The following NBPF10 variants were observed in gnomAD, a reference collection of about 807,000 sequenced individuals.
NBPF10 encodes the protein NBPF family member NBPF10.
A neutral mutation model predicts 77.9 loss-of-function variants in NBPF10; 63 were observed. That is an observed-to-expected ratio of 0.81 (90% CI 0.66 to 1.00). The LOEUF (loss-of-function observed/expected upper bound fraction) is 1.00, where lower values mean the gene tolerates loss of function less well. Among genes scored for constraint, NBPF10 ranks in the 50% least tolerant of loss-of-function variants. The pLI, the probability that NBPF10 is intolerant of heterozygous loss-of-function variation, is 0.00. For synonymous variants in NBPF10, 146 were observed against 264.5 expected (o/e 0.55, Z 4.35); for missense variants, 522 against 679.8 (o/e 0.77, Z 2.58).
chr1:146,081,007 A>ACACG (rs1656256285), intron 71 of NBPF10, among the ~76,000 whole-genome samples: 1 of 80,478 alleles, frequency 1.2e-5, no homozygotes, highest in Non-Finnish European at 3.4e-5. Context: ...ACACACACAC[A>ACACG]CACACACACA....
In NBPF10 at chr1:146,069,184, A is replaced by C. The variant is rs1350372787; in HGVS notation, c.10810+359T>G. Among the ~76,000 whole-genome samples, 2 of 82,152 alleles carry C rather than the reference A, an allele frequency of 2.4e-5. 1 individual carries two copies. Among genetic ancestry groups the C allele is most frequent in the Non-Finnish European group, 4.9e-5 (2 of 40,560 alleles). The allele number at this position is 82,152 out of a possible 152,430, so 53.9% of individuals were successfully genotyped here. Reference sequence around the variant, plus strand: ...GTCTCATCAAATACTCAGATTGTTCATGGTAGCGAGGATTGTAGACGCTGA... The same window carrying C: ...GTCTCATCAAATACTCAGATTGTTCCTGGTAGCGAGGATTGTAGACGCTGA... On this transcript the variant is annotated intron_variant, in intron 86 of 89. Transcript: ENST00000583866.
chr1:146,140,783 C>A (rs1236101730), intron 3 of NBPF10, among the ~76,000 whole-genome samples: 1 of 120,396 alleles, frequency 8.3e-6, no homozygotes. Flanking sequence ...ACCGAAAAGA[C>A]CTTTTGCTTC....
At position 146,127,036 on chromosome 1, in the gene NBPF10, T is replaced by TGG; in HGVS notation, c.1844_1845insCC (p.Gly616GlnfsTer35). 2.0e-6 allele frequency: 1 copy of TGG among 506,712 alleles called. No homozygotes were observed. The highest frequency in any genetic ancestry group is 3.4e-6 in the Non-Finnish European group (1 of 290,570). 31.4% of individuals were successfully genotyped at this position (506,712 alleles called of 1,614,324 possible). A position where few individuals can be genotyped will look rare whatever the true frequency, so the allele number is the denominator to read the frequency against. On this transcript the variant is annotated frameshift_variant, in exon 13 of 90. Coordinates refer to ENST00000583866, the Ensembl canonical transcript of NBPF10. LOFTEE classifies it high-confidence loss of function. ...CAATTTCTCAGACTCACCTGGGACCTGTTGCCTCTTGGTCCTCCTTTTTCA... is the reference window on the plus strand; with the variant it reads ...CAATTTCTCAGACTCACCTGGGACCTGGGTTGCCTCTTGGTCCTCCTTTTTCA...
intron 13 of NBPF10, 124 bp from the exon 14 acceptor site, chr1:146,126,532 G>A (rs1210490864): frequency 2.8e-6 from 2 of 706,404 alleles, no homozygotes; most frequent in Non-Finnish European, 5.3e-6. Context: ...CATTAATGAG[G>A]TAACAAATTA....
At chr1:146,067,931 C>T (rs1226517999) in intron 88 of NBPF10, 72 bp downstream of exon 88, 16 of 686,678 alleles carry the variant, frequency 2.3e-5, no homozygotes, top group African/African-American at 1.8e-4. Context: ...GCAAGGGCCA[C>T]TTGGAATAGG....
intron 71 of NBPF10, among the ~76,000 whole-genome samples, 191 bp from the exon 72 acceptor site, chr1:146,080,968 CAGAT>C (rs1322291494): frequency 6.9e-4 from 42 of 60,980 alleles, no homozygotes; most frequent in African/African-American, 9.9e-4. Context: ...AAGAGAAAGA[CAGAT>C]AGACACACAC....
At chr1:146,126,627 ACACAC>A (rs1658719140) in intron 13 of NBPF10, among the ~76,000 whole-genome samples, 3 of 145,236 alleles carry the variant, frequency 2.1e-5, no homozygotes, top group African/African-American at 7.4e-5. Context: ...ACACACACAC[ACACAC>A]ACAGAGCGAG....
chr1:146,122,665 CA>C (rs1465406271), intron 18 of NBPF10, among the ~76,000 whole-genome samples: 1 of 9,190 alleles, frequency 1.1e-4, no homozygotes, highest in African/African-American at 6.9e-4. Context: ...CATATTTTTC[CA>C]ATCAACTTAA....
rs587746591 is a variant in NBPF10, at chr1:146,126,547, C to G, written c.1854-139G>C. On this transcript the variant is annotated intron_variant, in intron 13 of 89. Coordinates refer to ENST00000583866, the Ensembl canonical transcript of NBPF10. The stretch of plus-strand genomic sequence containing the variant: ...CATTAATGAGGTAACAAATTATTGC[C>G]TTTATGTTGGGATTGACTAGGGCCA... 5.2e-4 allele frequency: 365 copies of G among 707,650 alleles called. 11 individuals carry two copies. In the South Asian group the frequency reaches 5.2e-3, roughly 10 times the overall value. The allele number at this position is 707,650 out of a possible 1,614,324, so 43.8% of individuals were successfully genotyped here. A position where few individuals can be genotyped will look rare whatever the true frequency, so the allele number is the denominator to read the frequency against.
intron 14 of NBPF10, among the ~76,000 whole-genome samples, chr1:146,125,924 C>T (rs3928837): frequency 6.6e-6 from 1 of 151,562 alleles, no homozygotes; most frequent in Non-Finnish European, 1.5e-5. Context: ...AGGATGAAAT[C>T]TACAAGATCT....
At chr1:146,126,508 A>T (rs1421302916) in intron 13 of NBPF10, 100 bp from the exon 14 acceptor site, 6 of 718,026 alleles carry the variant, frequency 8.4e-6, no homozygotes, top group Non-Finnish European at 1.6e-5. Context: ...GTTTGAAAAG[A>T]AAAAGGACAG....
rs370166687 is a variant in NBPF10, at chr1:146,067,641, G to C, written c.11036-353C>G. On this transcript the variant is annotated intron_variant, in intron 88 of 89. Coordinates refer to ENST00000583866, the Ensembl canonical transcript of NBPF10. Reference sequence around the variant, plus strand: ...TTAGCCCTGTCTCATCAAATACTCAGATTGTTCATGGTAGTGAGGACTCCA... The same window carrying C: ...TTAGCCCTGTCTCATCAAATACTCACATTGTTCATGGTAGTGAGGACTCCA... 1.7e-4 allele frequency among the ~76,000 whole-genome samples: 25 copies of C among 150,208 alleles called. No individual in the cohort carries two copies. In the East Asian group the frequency reaches 5.0e-3, roughly 30 times the overall value.
intron 4 of NBPF10, among the ~76,000 whole-genome samples, chr1:146,140,254 G>A (rs1228758127): frequency 8.0e-6 from 1 of 125,316 alleles, no homozygotes; most frequent in African/African-American, 2.6e-5. Flanking sequence ...ACAGATAGGA[G>A]CTGAGGAGGA....
chr1:146,126,169 C>T (rs1475547097), intron 14 of NBPF10, 67 bp downstream of exon 14: 12 of 911,782 alleles, frequency 1.3e-5, no homozygotes, highest in Admixed American at 3.5e-5. Flanking sequence ...CGGCCACTTG[C>T]AGTAGGAATA....
intron 88 of NBPF10, among the ~76,000 whole-genome samples, chr1:146,067,562 C>G (rs1342743416): frequency 4.0e-5 from 6 of 149,948 alleles, no homozygotes; most frequent in Admixed American, 6.7e-5. Flanking sequence ...CATATTTTTC[C>G]AATCAACGTA....
intron 19 of NBPF10, among the ~76,000 whole-genome samples, chr1:146,121,912 G>T (rs1384733205): frequency 6.8e-6 from 1 of 147,044 alleles, no homozygotes; most frequent in Admixed American, 6.7e-5. Context: ...GTGACCTAGT[G>T]AATTGGCCAG....
At chr1:146,066,456 G>C (rs781813891) in exon 90 of NBPF10, 2 of 795,492 alleles carry the variant, frequency 2.5e-6, no homozygotes, top group Non-Finnish European at 3.7e-6. Flanking sequence ...TGTAGTGCTG[G>C]AATGAGTCAG....
chr1:146,138,992 C>G (rs1279905434), intron 5 of NBPF10, among the ~76,000 whole-genome samples: 2 of 139,414 alleles, frequency 1.4e-5, no homozygotes, highest in African/African-American at 5.0e-5. Context: ...CCATCTTGGA[C>G]AGGCTGGTTT....
intron 19 of NBPF10, among the ~76,000 whole-genome samples, chr1:146,121,955 C>G (rs1658229087): frequency 7.5e-6 from 1 of 133,112 alleles, no homozygotes; most frequent in Non-Finnish European, 1.6e-5. Context: ...AAAGGACACT[C>G]TGAGTTAGTG....
Sources: allele counts gnomAD v4.1 joint callset (sites outside exome capture counted in the v4.1 genomes callset), GRCh38; gene constraint gnomAD v4.1.1; transcripts MANE v1.5; gene names NCBI Gene and HGNC (gene_info 2026-07-23, HGNC 2026-07-21).